GHR: variants seen among roughly 807,000 people sequenced by gnomAD.
GHR encodes growth hormone receptor.
Under a neutral mutation model 67.1 loss-of-function variants are expected in GHR, and 35 were observed. The observed-to-expected ratio is 0.52, with a 90% confidence interval of 0.40 to 0.69. The LOEUF is 0.69. GHR is among the 30% of genes least tolerant of loss of function. The probability of loss-of-function intolerance (pLI) is 0.00; values close to 1 mark genes in which losing one functional copy is unlikely to be tolerated. For synonymous variants in GHR, 272 were observed against 269.1 expected (o/e 1.01, Z -0.10); for missense variants, 792 against 764.6 (o/e 1.04, Z -0.42).
intron 3 of GHR, among the ~76,000 whole-genome samples, chr5:42,656,125 C>T (rs545080851): frequency 2.0e-5 from 3 of 152,094 alleles, no homozygotes; most frequent in Admixed American, 6.6e-5. Flanking sequence ...GAAGAGGTAA[C>T]TAAAGATACT....
At chr5:42,658,429 G>GA (rs543952666) in intron 3 of GHR, among the ~76,000 whole-genome samples, 37 of 152,298 alleles carry the variant, frequency 2.4e-4, no homozygotes, top group African/African-American at 8.7e-4. Flanking sequence ...ATACTCCACA[G>GA]AAGAGTTGTG....
At chr5:42,576,196 C>T (rs1271702214) in intron 2 of GHR, among the ~76,000 whole-genome samples, 1 of 151,400 alleles carries the variant, frequency 6.6e-6, no homozygotes, top group African/African-American at 2.4e-5. Context: ...CACCAAAGCA[C>T]TGACAGCATC....
intron 5 of GHR, among the ~76,000 whole-genome samples, chr5:42,697,681 T>A (rs970625295): frequency 6.6e-6 from 1 of 152,112 alleles, no homozygotes; most frequent in Non-Finnish European, 1.5e-5. Context: ...GACAAGACAG[T>A]CAAATCTACC....
intron 5 of GHR, among the ~76,000 whole-genome samples, chr5:42,696,215 C>T (rs1035672639): frequency 1.3e-5 from 2 of 152,204 alleles, no homozygotes; most frequent in Non-Finnish European, 2.9e-5. Flanking sequence ...ATGTGTCACG[C>T]ACTGTTCTGG....
At chr5:42,611,311 A>C (rs980167238) in intron 2 of GHR, among the ~76,000 whole-genome samples, 2 of 152,024 alleles carry the variant, frequency 1.3e-5, no homozygotes, top group African/African-American at 4.8e-5. Flanking sequence ...CCTTAGCCTG[A>C]AGTTTAGAGT....
At chr5:42,548,193 T>C (rs1247332942) in intron 1 of GHR, 2 of 983,808 alleles carry the variant, frequency 2.0e-6, no homozygotes, top group Non-Finnish European at 2.4e-6. Flanking sequence ...TGATGTGATT[T>C]AATTTACTCC....
At chr5:42,560,752 A>T (rs1749561061) in intron 1 of GHR, among the ~76,000 whole-genome samples, 1 of 152,146 alleles carries the variant, frequency 6.6e-6, no homozygotes, top group Non-Finnish European at 1.5e-5. Flanking sequence ...CCTCCTGCTA[A>T]CCAACTCAGA....
intron 1 of GHR, among the ~76,000 whole-genome samples, chr5:42,495,045 A>G (rs1746262685): frequency 6.8e-6 from 1 of 146,894 alleles, no homozygotes; most frequent in African/African-American, 2.5e-5. Context: ...TTTCACAGGT[A>G]TAGAACTAAG....
chr5:42,482,929 G>C (rs1745718058), intron 1 of GHR, among the ~76,000 whole-genome samples: 2 of 152,152 alleles, frequency 1.3e-5, no homozygotes, highest in Non-Finnish European at 2.9e-5. Flanking sequence ...GATGAACCCG[G>C]TACCTCAATT....
intron 6 of GHR, among the ~76,000 whole-genome samples, chr5:42,702,295 G>A (rs1194712264): frequency 2.0e-5 from 3 of 152,032 alleles, no homozygotes; most frequent in Non-Finnish European, 4.4e-5. Context: ...GAGATTATGT[G>A]GTATTTGTTT....
At chr5:42,456,304 C>T (rs538653291) in intron 1 of GHR, among the ~76,000 whole-genome samples, 3 of 152,152 alleles carry the variant, frequency 2.0e-5, no homozygotes, top group Admixed American at 6.5e-5. Context: ...AGCGAGACTC[C>T]GTCTCAAAAT....
Position 42,711,306 on chromosome 5 carries a change from T to C in GHR, c.718T>C (p.Tyr240His), listed in dbSNP as rs143814221. Residue 240 changes from tyrosine (Y) to histidine (H), a missense_variant, in exon 7 of 10, where the codon TAT becomes CAT. Coordinates refer to ENST00000230882, the MANE Select transcript of GHR (RefSeq NM_000163.5). ...ATCCAAACAACGAAACTCTGGAAAT[T>C]ATGGCGAGTTCAGTGAGGTGCTCTA... ...VRSKQRNSGN[Y>H]GEFSEVLYVT... The C allele has an allele frequency of 2.4e-4, 387 of 1,613,336 alleles. 1 individual carries two copies. The highest frequency in any genetic ancestry group is 3.3e-4 in the Middle Eastern group (2 of 6,058).
chr5:42,484,724 A>G (rs1745803143), intron 1 of GHR, among the ~76,000 whole-genome samples: 1 of 152,220 alleles, frequency 6.6e-6, no homozygotes, highest in South Asian at 2.1e-4. Context: ...TATGAATTTT[A>G]CTTTGAGAAT....
At chr5:42,699,074 C>A (rs2111734397) in intron 5 of GHR, among the ~76,000 whole-genome samples, 1 of 152,272 alleles carries the variant, frequency 6.6e-6, no homozygotes, top group South Asian at 2.1e-4. Context: ...GAATTGTCAC[C>A]ATTTGTGAGA....
chr5:42,674,058 T>TG (rs1756449609), intron 3 of GHR, among the ~76,000 whole-genome samples: 1 of 152,164 alleles, frequency 6.6e-6, no homozygotes, highest in South Asian at 2.1e-4. Flanking sequence ...GCTACTAAGT[T>TG]TCAGGAATTT....
At chr5:42,476,066 G>A (rs537030325) in intron 1 of GHR, among the ~76,000 whole-genome samples, 48 of 151,906 alleles carry the variant, frequency 3.2e-4, no homozygotes, top group African/African-American at 1.0e-3. Context: ...CACCATGCCC[G>A]GCTAATTTTT....
intron 1 of GHR, among the ~76,000 whole-genome samples, chr5:42,514,663 G>A (rs1402517859): frequency 6.6e-6 from 1 of 152,146 alleles, no homozygotes; most frequent in Non-Finnish European, 1.5e-5. Flanking sequence ...GCCTGTGCTT[G>A]GAATTCTGCC....
Position 42,581,953 on chromosome 5 carries a change from G to A in GHR, c.70+16009G>A, listed in dbSNP as rs142643566. Reference sequence around the variant, plus strand: ...CTCCCTGCACCTGCACCCAGCACCCGCTCCGGGGTGAAGCAAAGTCATGGC... The same window carrying A: ...CTCCCTGCACCTGCACCCAGCACCCACTCCGGGGTGAAGCAAAGTCATGGC... On this transcript the variant is annotated intron_variant, in intron 2 of 9. Coordinates refer to ENST00000230882, the MANE Select transcript of GHR (RefSeq NM_000163.5). 1.6e-3 allele frequency among the ~76,000 whole-genome samples: 237 copies of A among 152,338 alleles called. 2 individuals are homozygous for A. The highest frequency in any genetic ancestry group is 5.2e-3 in the African/African-American group (218 of 41,584).
intron 3 of GHR, among the ~76,000 whole-genome samples, chr5:42,648,346 G>A (rs771691428): frequency 5.9e-5 from 9 of 152,126 alleles, no homozygotes; most frequent in East Asian, 3.9e-4. Context: ...TCCCTGTCAC[G>A]TACCCAGGCC....
Sources: gnomAD v4.1 joint callset for allele counts (sites outside exome capture counted in the v4.1 genomes callset) on GRCh38, gnomAD v4.1.1 for gene constraint, MANE v1.5 for transcripts, NCBI Gene and HGNC (gene_info 2026-07-23, HGNC 2026-07-21) for gene names.